Variants in SHISA9 observed in about 807,000 individuals in gnomAD.
SHISA9 encodes protein shisa-9.
SHISA9 carries 13 observed loss-of-function variants against 38.0 expected under a neutral mutation model. That is an observed-to-expected ratio of 0.34 (90% CI 0.22 to 0.54). SHISA9 has a LOEUF of 0.54. SHISA9 is among the 20% of genes least tolerant of loss of function. SHISA9 has a pLI of 0.91. For synonymous variants in SHISA9, 275 were observed against 242.0 expected (o/e 1.14, Z -1.27); for missense variants, 538 against 575.8 (o/e 0.93, Z 0.67).
At chr16:13,138,806 CTT>C (rs2050372546) in intron 2 of SHISA9, among the ~76,000 whole-genome samples, 1 of 152,106 alleles carries the variant, frequency 6.6e-6, no homozygotes, top group African/African-American at 2.4e-5. Context: ...TATTTGGAAA[CTT>C]TTATTATTTT....
At chr16:13,157,517 G>A (rs1196724491) in intron 2 of SHISA9, among the ~76,000 whole-genome samples, 3 of 152,142 alleles carry the variant, frequency 2.0e-5, no homozygotes, top group Non-Finnish European at 2.9e-5. Context: ...ACCCATTTTC[G>A]AAGATTTTCG....
chr16:12,910,121 T>C (rs1410952290), intron 1 of SHISA9: 1 of 152,368 alleles, frequency 6.6e-6, no homozygotes, highest in Non-Finnish European at 1.5e-5. Flanking sequence ...CCTCCCAAAG[T>C]GCTGGGATTA....
At chr16:13,544,555 C>CCTG in the SHISA9 span, among the ~76,000 whole-genome samples, 1 of 150,584 alleles carries the variant, frequency 6.6e-6, no homozygotes, top group Non-Finnish European at 1.5e-5. Flanking sequence ...AAATTACTAT[C>CCTG]CTGGCTGGGA....
the SHISA9 span, among the ~76,000 whole-genome samples, chr16:13,408,792 T>A: frequency 8.5e-5 from 13 of 152,232 alleles, no homozygotes; most frequent in Non-Finnish European, 1.8e-4. Context: ...CTGCTGTTGA[T>A]ATCAAGATAC....
At chr16:13,104,283 A>G (rs1184749126) in intron 2 of SHISA9, among the ~76,000 whole-genome samples, 2 of 152,142 alleles carry the variant, frequency 1.3e-5, no homozygotes, top group South Asian at 4.1e-4. Context: ...TTTGGAAAAC[A>G]GTTTGGCAGT....
chr16:13,326,854 G>A, the SHISA9 span, among the ~76,000 whole-genome samples: 1 of 147,664 alleles, frequency 6.8e-6, no homozygotes, highest in Admixed American at 6.8e-5. Context: ...CATAATACAT[G>A]TTCCACTTAT....
At chr16:13,441,787 C>T in the SHISA9 span, among the ~76,000 whole-genome samples, 2 of 152,138 alleles carry the variant, frequency 1.3e-5, no homozygotes, top group African/African-American at 2.4e-5. Flanking sequence ...CAGCTTAAAA[C>T]TGGGATGACT....
chr16:13,444,413 GAGGGAGGA>G, the SHISA9 span, among the ~76,000 whole-genome samples: 284 of 114,804 alleles, frequency 2.5e-3, 1 homozygote, highest in African/African-American at 8.6e-3. Flanking sequence ...GGGAGGGAGG[GAGGGAGGA>G]AGGAAGGAAG....
chr16:13,351,941 G>T, the SHISA9 span, among the ~76,000 whole-genome samples: 2 of 152,204 alleles, frequency 1.3e-5, no homozygotes, highest in Non-Finnish European at 2.9e-5. Flanking sequence ...CTGGAAGACA[G>T]AGGGAGAAAT....
At chr16:13,459,533 C>T in the SHISA9 span, among the ~76,000 whole-genome samples, 1 of 152,174 alleles carries the variant, frequency 6.6e-6, no homozygotes, top group Non-Finnish European at 1.5e-5. Context: ...GACCTTATCA[C>T]CTTTGTTATT....
chr16:13,490,721 C>G, the SHISA9 span, among the ~76,000 whole-genome samples: 1 of 152,164 alleles, frequency 6.6e-6, no homozygotes, highest in Non-Finnish European at 1.5e-5. Context: ...TTGGGATGTT[C>G]TGTGTCTTCT....
intron 4 of SHISA9, among the ~76,000 whole-genome samples, chr16:13,220,690 A>G (rs1299671188): frequency 3.3e-5 from 5 of 152,212 alleles, no homozygotes; most frequent in African/African-American, 1.2e-4. Context: ...CTATCTATAT[A>G]GCAGCAATGC....
chr16:12,920,680 A>T (rs910346066), intron 2 of SHISA9, among the ~76,000 whole-genome samples: 56 of 152,172 alleles, frequency 3.7e-4, no homozygotes, highest in African/African-American at 1.3e-3. Flanking sequence ...TAGTACACAG[A>T]GTTCTGTATA....
At chr16:13,057,847 T>G (rs1327700807) in intron 2 of SHISA9, among the ~76,000 whole-genome samples, 1 of 152,116 alleles carries the variant, frequency 6.6e-6, no homozygotes, top group Non-Finnish European at 1.5e-5. Flanking sequence ...TTCCCCTCCC[T>G]GTGTCCATGT....
At chr16:13,175,548 G>C (rs962263462) in intron 2 of SHISA9, among the ~76,000 whole-genome samples, 1 of 152,186 alleles carries the variant, frequency 6.6e-6, no homozygotes, top group Non-Finnish European at 1.5e-5. Context: ...TACAGATTCA[G>C]TCTCGTGCCC....
chr16:13,174,005 C>T (rs891418100), intron 2 of SHISA9, among the ~76,000 whole-genome samples: 8 of 152,012 alleles, frequency 5.3e-5, no homozygotes, highest in South Asian at 2.1e-4. Flanking sequence ...CAGTCTGGGA[C>T]GTGCTGGGGC....
At chr16:13,477,435 A>G in the SHISA9 span, among the ~76,000 whole-genome samples, 1 of 152,210 alleles carries the variant, frequency 6.6e-6, no homozygotes, top group Non-Finnish European at 1.5e-5. Flanking sequence ...AATCCATATA[A>G]AATCACAGAG....
At chr16:13,067,790 C>T (rs1187421470) in intron 2 of SHISA9, among the ~76,000 whole-genome samples, 2 of 152,228 alleles carry the variant, frequency 1.3e-5, no homozygotes, top group Non-Finnish European at 2.9e-5. Flanking sequence ...TCACTCCAAC[C>T]CAGCTTTGCA....
the SHISA9 span, among the ~76,000 whole-genome samples, chr16:13,362,093 G>A: frequency 1.3e-5 from 2 of 151,948 alleles, no homozygotes; most frequent in Admixed American, 6.6e-5. Flanking sequence ...GCTGGCTGCA[G>A]TGGCTCATGC....
Sources: gnomAD v4.1 joint callset for allele counts (sites outside exome capture counted in the v4.1 genomes callset) on GRCh38, gnomAD v4.1.1 for gene constraint, MANE v1.5 for transcripts, NCBI Gene and HGNC (gene_info 2026-07-23, HGNC 2026-07-21) for gene names.